The following NEDD9 variants were observed in gnomAD, a reference collection of about 807,000 sequenced individuals.
The protein encoded by NEDD9 is enhancer of filamentation 1.
A neutral mutation model predicts 76.6 loss-of-function variants in NEDD9; 26 were observed. The observed-to-expected ratio is 0.34, with a 90% CI of 0.25 to 0.47. The LOEUF (loss-of-function observed/expected upper bound fraction) is 0.47, where lower values mean the gene tolerates loss of function less well. Among genes scored for constraint, NEDD9 ranks in the 20% least tolerant of loss-of-function variants. The pLI is 1.00. For synonymous variants in NEDD9, 392 were observed against 414.2 expected, an observed-to-expected ratio of 0.95 and a Z score of 0.65; for missense variants, 937 against 1,058.5, an observed-to-expected ratio of 0.89 and a Z score of 1.59.
intron 1 of NEDD9, among the ~76,000 whole-genome samples, chr6:11,380,993 G>A (rs1213043806): frequency 4.6e-5 from 7 of 152,146 alleles, no homozygotes; most frequent in South Asian, 4.1e-4. Flanking sequence ...AAGTGGTGAC[G>A]TACAAAGTGA....
At chr6:11,300,680 C>T (rs1437262100) in intron 3 of NEDD9, among the ~76,000 whole-genome samples, 1 of 152,216 alleles carries the variant, frequency 6.6e-6, no homozygotes, top group South Asian at 2.1e-4. Context: ...AGAAACCCTA[C>T]AAGCCAGAAG....
At chr6:11,220,468 G>A (rs527440589) in intron 1 of NEDD9, among the ~76,000 whole-genome samples, 30 of 152,282 alleles carry the variant, frequency 2.0e-4, no homozygotes, top group South Asian at 6.2e-4. Context: ...CTTGCCTCCC[G>A]AAGGTACTCT....
intron 2 of NEDD9, among the ~76,000 whole-genome samples, chr6:11,196,495 G>A (rs372038705): frequency 1.3e-5 from 2 of 152,148 alleles, no homozygotes; most frequent in East Asian, 3.8e-4. Flanking sequence ...AAGCGCTAAT[G>A]CTTCCCGGTA....
chr6:11,306,856 A>G (rs1761199530), intron 2 of NEDD9, among the ~76,000 whole-genome samples: 1 of 152,234 alleles, frequency 6.6e-6, no homozygotes, highest in Non-Finnish European at 1.5e-5. Context: ...TGGGAAAAAC[A>G]TGGACTGGGC....
chr6:11,332,822 A>G (rs969403011), intron 2 of NEDD9, among the ~76,000 whole-genome samples: 18 of 152,140 alleles, frequency 1.2e-4, no homozygotes, highest in Admixed American at 2.6e-4. Flanking sequence ...GATTGAATGG[A>G]TGAGTTTCAG....
At position 11,252,547 on chromosome 6, in the gene NEDD9, G is replaced by A. The variant is rs1455264051; in HGVS notation, c.13-38820C>T. On this transcript the variant is annotated intron_variant, in intron 3 of 3. Transcript: ENST00000397378. This position sits in a 1 kb window ranked among gnomAD's most constrained non-coding sequence, Gnocchi z 4.3. Reference sequence around the variant, plus strand: ...CCTCCTGGAAGCACCCCCTTCCATGGTCAAAGAAACCCTGTAGAGAGCAGA... The same window carrying A: ...CCTCCTGGAAGCACCCCCTTCCATGATCAAAGAAACCCTGTAGAGAGCAGA... Among the ~76,000 whole-genome samples the A allele has an allele frequency of 6.6e-6, 1 of 152,144 alleles. No homozygotes were observed. Among genetic ancestry groups the A allele is most frequent in the Non-Finnish European group, 1.5e-5 (1 of 68,022 alleles).
chr6:11,306,019 G>A (rs1201124085), exon 3 of NEDD9: 17 of 1,613,808 alleles, frequency 1.1e-5, no homozygotes, highest in Admixed American at 1.7e-5. Context: ...CCCAAGGAAT[G>A]ATGCAGCTCT....
At chr6:11,316,009 A>G (rs1355613366) in intron 2 of NEDD9, among the ~76,000 whole-genome samples, 2 of 152,222 alleles carry the variant, frequency 1.3e-5, no homozygotes, top group African/African-American at 4.8e-5. Context: ...CTTGCTGGGC[A>G]CGTGGCTCTG....
chr6:11,260,293 A>G (rs541244590), intron 3 of NEDD9, among the ~76,000 whole-genome samples: 85 of 152,318 alleles, frequency 5.6e-4, no homozygotes, highest in African/African-American at 1.9e-3. Flanking sequence ...AGCACACCAA[A>G]GATTTCCTGT....
chr6:11,368,627 A>G (rs1468707983), intron 1 of NEDD9, among the ~76,000 whole-genome samples: 1 of 152,184 alleles, frequency 6.6e-6, no homozygotes, highest in African/African-American at 2.4e-5. Flanking sequence ...CCCTCCTTCT[A>G]TTTCATTTGA....
In NEDD9 at chr6:11,291,267, G is replaced by GTTTTTTTTTTTTTTTTTTTTTTTTT. The variant is rs869185428; in HGVS notation, c.12+14700_12+14724dup. Among the ~76,000 whole-genome samples the GTTTTTTTTTTTTTTTTTTTTTTTTT allele has an allele frequency of 4.2e-5, 4 of 95,830 alleles. 1 individual carries two copies. Among genetic ancestry groups the GTTTTTTTTTTTTTTTTTTTTTTTTT allele is most frequent in the African/African-American group, 2.0e-4 (4 of 19,824 alleles). 62.9% of individuals were successfully genotyped at this position (95,830 alleles called of 152,430 possible). A position where few individuals can be genotyped will look rare whatever the true frequency, so the allele number is the denominator to read the frequency against. On this transcript the variant is annotated intron_variant, in intron 3 of 3. Coordinates refer to the NEDD9 transcript ENST00000397378. The stretch of plus-strand genomic sequence containing the variant: ...GAGCACAGGGCAGAAATAGAATGAG[G>GTTTTTTTTTTTTTTTTTTTTTTTTT]TTTTTTTTTTTTTTTTTTTTTTTTT...
intron 1 of NEDD9, among the ~76,000 whole-genome samples, chr6:11,341,451 A>G (rs544365401): frequency 9.2e-5 from 14 of 152,198 alleles, no homozygotes; most frequent in Non-Finnish European, 1.8e-4. Context: ...CCCTCAGTCC[A>G]CGGCTGAGGG....
intron 2 of NEDD9, among the ~76,000 whole-genome samples, chr6:11,211,968 T>A (rs1404795849): frequency 1.3e-5 from 2 of 152,146 alleles, no homozygotes; most frequent in African/African-American, 2.4e-5. Context: ...CTCCACAGGG[T>A]CTCTAGGCTG....
At chr6:11,228,102 G>C in intron 1 of NEDD9, among the ~76,000 whole-genome samples, 1 of 148,302 alleles carries the variant, frequency 6.7e-6, no homozygotes, top group South Asian at 2.1e-4. Context: ...GGTGCGGGTG[G>C]GGGGCTGGGG....
chr6:11,195,777 C>T (rs1346448428), intron 2 of NEDD9, among the ~76,000 whole-genome samples: 1 of 152,110 alleles, frequency 6.6e-6, no homozygotes, highest in African/African-American at 2.4e-5. Context: ...GGAGAATCAC[C>T]TAAGGTCAGG....
rs371876294 is a variant in NEDD9 at position 11,190,590 on chromosome 6, G to T, written c.1279C>A (p.Leu427Ile). 2.1e-5 allele frequency: 34 copies of T among 1,614,098 alleles called. No individual in the cohort carries two copies. Among genetic ancestry groups the T allele is most frequent in the Non-Finnish European group, 2.9e-5 (34 of 1,180,052 alleles). The change falls in exon 5 of 7, where the codon CTA (leucine) becomes ATA (isoleucine). Residue 427 changes from leucine (L) to isoleucine (I), a missense_variant. Physicochemically the swap from Leu to Ile is conservative, Grantham distance 5. Coordinates refer to ENST00000379446, the MANE Select transcript of NEDD9 (RefSeq NM_006403.4). The surrounding 1 kb of genome is among the most constrained non-coding windows in gnomAD (Gnocchi z 5.8). The part of the protein sequence containing the change: ...QQALEMGVSS[L>I]MALVTTDWRC... ...CAGTCGGTAGTGACCAGTGCCATTA[G>T]GCTGGAGACACCCATCTCAAGGGCC...
At chr6:11,240,029 C>T (rs1175164779) in intron 3 of NEDD9, among the ~76,000 whole-genome samples, 2 of 129,218 alleles carry the variant, frequency 1.5e-5, no homozygotes, top group African/African-American at 3.0e-5. Context: ...GGGGACAGAG[C>T]GAGACTTCAT....
At chr6:11,283,843 C>T (rs1008503535) in intron 3 of NEDD9, among the ~76,000 whole-genome samples, 7 of 152,028 alleles carry the variant, frequency 4.6e-5, no homozygotes, top group South Asian at 4.2e-4. Context: ...GGAGGGTTCA[C>T]GTGTGTGTGT....
chr6:11,276,739 T>G (rs931394588), intron 3 of NEDD9, among the ~76,000 whole-genome samples: 2 of 152,182 alleles, frequency 1.3e-5, no homozygotes, highest in African/African-American at 4.8e-5. Context: ...CCACCTTCTC[T>G]CTTTACTCAG....
Sources: allele counts gnomAD v4.1 joint callset (sites outside exome capture counted in the v4.1 genomes callset), GRCh38; gene constraint gnomAD v4.1.1; non-coding constraint Gnocchi (gnomAD v3.1); transcripts MANE v1.5; gene names NCBI Gene and HGNC (gene_info 2026-07-23, HGNC 2026-07-21).